MIA2: variants seen among roughly 807,000 people sequenced by gnomAD.
MIA2 encodes melanoma inhibitory activity protein 2.
A neutral mutation model predicts 167.8 loss-of-function variants in MIA2; 127 were observed. That is an observed-to-expected ratio of 0.76 (90% CI 0.66 to 0.88). The LOEUF (loss-of-function observed/expected upper bound fraction) is 0.88. Among genes scored for constraint, MIA2 ranks in the 40% least tolerant of loss-of-function variants. MIA2 has a pLI of 0.00. For missense variants in MIA2, 1,690 were observed against 1,624.7 expected, an observed-to-expected ratio of 1.04 and a Z score of -0.69; for synonymous variants, 552 against 541.9, an observed-to-expected ratio of 1.02 and a Z score of -0.26.
intron 11 of MIA2, among the ~76,000 whole-genome samples, 173 bp from the exon 12 acceptor site, chr14:39,293,827 C>T (rs558292730): frequency 1.8e-4 from 27 of 152,220 alleles, no homozygotes; most frequent in South Asian, 1.0e-3. Context: ...ACTATTGTTA[C>T]GTAATGTTCA....
chr14:39,312,112 G>A (rs969733302), intron 18 of MIA2, among the ~76,000 whole-genome samples: 3 of 152,166 alleles, frequency 2.0e-5, no homozygotes, highest in Admixed American at 6.5e-5. Context: ...ATAGGCATGA[G>A]CCACTGCACC....
At chr14:39,354,334 CAT>C (rs1317848444), downstream of MIA2, among the ~76,000 whole-genome samples, 1 of 152,174 alleles carries the variant, frequency 6.6e-6, no homozygotes, top group Non-Finnish European at 1.5e-5. Flanking sequence ...AGCATTTTTT[CAT>C]GTGTCTGTAG....
intron 9 of MIA2, among the ~76,000 whole-genome samples, chr14:39,282,154 GC>G (rs2059042871): frequency 6.6e-6 from 1 of 152,106 alleles, no homozygotes; most frequent in South Asian, 2.1e-4. Flanking sequence ...TAATTTTGAA[GC>G]TGTGGGTGCT....
At chr14:39,287,880 T>C (rs2060036513) in intron 9 of MIA2, among the ~76,000 whole-genome samples, 1 of 152,098 alleles carries the variant, frequency 6.6e-6, no homozygotes, top group African/African-American at 2.4e-5. Context: ...GGTCTCGCTT[T>C]GTTGCCCAGG....
At chr14:39,349,077 G>T in intron 28 of MIA2, 100 bp downstream of exon 28, 1 of 1,359,916 alleles carries the variant, frequency 7.4e-7, no homozygotes, top group Non-Finnish European at 1.0e-6. Context: ...GTGGAGGAAA[G>T]TTTTTTCTAG....
At chr14:39,361,507 C>T (rs1428483782) in intron 23 of MIA2, among the ~76,000 whole-genome samples, 2 of 149,740 alleles carry the variant, frequency 1.3e-5, no homozygotes, top group Admixed American at 6.6e-5. Context: ...GACACCATCT[C>T]GGCTCACTGC....
chr14:39,293,960 G>A, intron 11 of MIA2, 40 bp from the exon 12 acceptor site: 1 of 1,506,236 alleles, frequency 6.6e-7, no homozygotes, highest in Admixed American at 1.8e-5. Context: ...TTGGAAACTA[G>A]AGTTTAGTAA....
intron 9 of MIA2, among the ~76,000 whole-genome samples, chr14:39,280,958 T>C (rs186988053): frequency 7.0e-6 from 1 of 143,882 alleles, no homozygotes; most frequent in African/African-American, 2.6e-5. Context: ...TCTCTCTCTC[T>C]CTTGTCTAGG....
In MIA2 at chr14:39,314,724, A is replaced by C. The variant is rs772119477; in HGVS notation, c.3120-15A>C. The C allele has an allele frequency of 3.8e-6, 6 of 1,597,052 alleles. No individual in the cohort carries two copies. The highest frequency in any genetic ancestry group is 5.1e-6 in the Non-Finnish European group (6 of 1,169,916). On this transcript the variant is annotated splice_polypyrimidine_tract_variant and intron_variant, in intron 19 of 28. Coordinates refer to ENST00000640607, the MANE Select transcript of MIA2 (RefSeq NM_001329214.4). ...GTTATATGTTAATAGTAGAATAATTATTCGTTCCATTTAGAAAGCGAGCCA... is the reference window on the plus strand; with the variant it reads ...GTTATATGTTAATAGTAGAATAATTCTTCGTTCCATTTAGAAAGCGAGCCA...
chr14:39,278,880 G>C (rs985312610), intron 7 of MIA2, among the ~76,000 whole-genome samples: 1 of 152,166 alleles, frequency 6.6e-6, no homozygotes, highest in Non-Finnish European at 1.5e-5. Flanking sequence ...TAGTATTTAG[G>C]CTGGGCATGG....
At position 39,246,936 on chromosome 14, in the gene MIA2, G is replaced by A; in HGVS notation, c.362G>A (p.Gly121Glu). ...TKESDFLCLL[G>E]VSYTFDNEDS... is the part of the protein sequence containing the mutation. ...GAATCTGACTTTCTTTGTCTTCTTG[G>A]AGTAAGTTACACATTTGACAATGAA... The change falls in exon 4 of 29, where the codon GGA (glycine) becomes GAA (glutamate). Residue 121 changes from glycine to glutamate, a missense_variant. By Grantham distance (98) the Gly-to-Glu change is moderately conservative. Coordinates refer to ENST00000640607, the MANE Select transcript of MIA2 (RefSeq NM_001329214.4). 1 of 1,512,598 alleles carries A rather than the reference G, an allele frequency of 6.6e-7. No individual in the cohort carries two copies. The highest frequency in any genetic ancestry group is 8.8e-7 in the Non-Finnish European group (1 of 1,135,154). 93.7% of individuals were successfully genotyped at this position (1,512,598 alleles called of 1,614,324 possible).
At chr14:39,298,055 GA>G (rs960872882) in intron 13 of MIA2, among the ~76,000 whole-genome samples, 19 of 149,138 alleles carry the variant, frequency 1.3e-4, no homozygotes, top group African/African-American at 4.4e-4. Context: ...TTATGCCTTT[GA>G]AAAAAAAATC....
Position 39,348,799 on chromosome 14 carries a change from C to G in MIA2, c.3894C>G (p.Gly1298=). 6.2e-7 allele frequency: 1 copy of G among 1,614,030 alleles called. No homozygotes were observed. The highest frequency in any genetic ancestry group is 8.5e-7 in the Non-Finnish European group (1 of 1,179,904). ...CTGAAAATGAAGCCACTGGCCCTGG[C>G]TTTGTTCCTCCACCTCTTGCTCCAA... ...LPAENEATGP[G]FVPPPLAPIR... is the part of the protein sequence containing the mutation. The change falls in exon 28 of 29, where the codon GGC becomes GGG. Residue 1298 remains glycine (G), a synonymous_variant. Coordinates refer to ENST00000640607, the MANE Select transcript of MIA2 (RefSeq NM_001329214.4).
In MIA2 at chr14:39,320,929, G is replaced by A. The variant is rs769364726; in HGVS notation, c.3369G>A (p.Glu1123=). The stretch of plus-strand genomic sequence containing the variant: ...AATATGCTGTTTTAATTATTCCAGA[G>A]CATTCCCCATATGGTCCCTCACCAT... The part of the protein sequence containing the change: ...LDVPNTAFGR[E]HSPYGPSPLG... The change falls in exon 24 of 29, where the codon GAG becomes GAA. Residue 1123 remains glutamate (E), a splice_region_variant and synonymous_variant. Coordinates refer to ENST00000640607, the MANE Select transcript of MIA2 (RefSeq NM_001329214.4). 2 of 1,612,470 alleles carry A rather than the reference G, an allele frequency of 1.2e-6. No homozygotes were observed. The highest frequency in any genetic ancestry group is 3.4e-5 in the Admixed American group (2 of 59,524).
chr14:39,307,328 A>G (rs558789465), intron 17 of MIA2, among the ~76,000 whole-genome samples: 75 of 151,836 alleles, frequency 4.9e-4, no homozygotes, highest in African/African-American at 1.6e-3. Context: ...TGAAAATTAG[A>G]TGCTAGAATT....
In MIA2 at chr14:39,291,110, T is replaced by C; in HGVS notation, c.2208+14T>C. 6.3e-7 allele frequency: 1 copy of C among 1,577,840 alleles called. No individual in the cohort carries two copies. On this transcript the variant is annotated intron_variant, in intron 10 of 28. Coordinates refer to ENST00000640607, the MANE Select transcript of MIA2 (RefSeq NM_001329214.4). ...CAAAGTTTGGAGGTAGAAAATCAAA[T>C]GGTATAATTTTAAAAGCTGGGGAAA...
chr14:39,293,745 A>T (rs2061036510), intron 11 of MIA2, among the ~76,000 whole-genome samples: 1 of 152,230 alleles, frequency 6.6e-6, no homozygotes, highest in Non-Finnish European at 1.5e-5. Flanking sequence ...GAGATTATTT[A>T]GTAAAACATG....
intron 25 of MIA2, among the ~76,000 whole-genome samples, chr14:39,329,138 T>G (rs1388894430): frequency 6.6e-6 from 1 of 152,200 alleles, no homozygotes; most frequent in African/African-American, 2.4e-5. Context: ...CTCTCTTATT[T>G]CCTTGAGCAG....
downstream of MIA2, among the ~76,000 whole-genome samples, chr14:39,353,121 C>T (rs1186718689): frequency 4.6e-5 from 7 of 152,082 alleles, no homozygotes; most frequent in African/African-American, 1.2e-4. Flanking sequence ...CTTGCATAGA[C>T]TGTGTAATGA....
Sources: allele counts gnomAD v4.1 joint callset (sites outside exome capture counted in the v4.1 genomes callset), GRCh38; gene constraint gnomAD v4.1.1; transcripts MANE v1.5; gene names NCBI Gene and HGNC (gene_info 2026-07-23, HGNC 2026-07-21).